SLCO3A1: variants seen among roughly 807,000 people sequenced by gnomAD.
SLCO3A1 encodes PGE1 transporter.
SLCO3A1 carries 27 observed loss-of-function variants against 63.1 expected under a neutral mutation model. The observed-to-expected ratio is 0.43, with a 90% CI of 0.32 to 0.59. The LOEUF (loss-of-function observed/expected upper bound fraction) is 0.59, where lower values mean the gene tolerates loss of function less well. Among genes scored for constraint, SLCO3A1 ranks in the 20% least tolerant of loss-of-function variants. The probability of loss-of-function intolerance (pLI) is 0.09; values close to 1 mark genes in which losing one functional copy is unlikely to be tolerated. For synonymous variants in SLCO3A1, 473 were observed against 409.9 expected (o/e 1.15, Z -1.86); for missense variants, 773 against 945.8 (o/e 0.82, Z 2.40).
intron 2 of SLCO3A1, among the ~76,000 whole-genome samples, chr15:91,937,312 G>A (rs1899448522): frequency 6.6e-6 from 1 of 152,194 alleles, no homozygotes; most frequent in African/African-American, 2.4e-5. Flanking sequence ...CTAGGTGCCA[G>A]GCCCCATGGG....
At chr15:92,063,851 A>G (rs532836224) in intron 2 of SLCO3A1, among the ~76,000 whole-genome samples, 40 of 149,900 alleles carry the variant, frequency 2.7e-4, no homozygotes, top group African/African-American at 8.6e-4. Context: ...TTCCATCTCA[A>G]AAAGCAAACA....
chr15:92,165,895 G>C lies in SLCO3A1; in HGVS notation c.*2760G>C. On this transcript the variant is annotated 3_prime_UTR_variant, in exon 10 of 10. Coordinates refer to ENST00000318445, the MANE Select transcript of SLCO3A1 (RefSeq NM_013272.4). The stretch of plus-strand genomic sequence containing the variant: ...AAATGTACGGGATGGAATAAACCTA[G>C]AAAGTGAATGCTAGAGTTCTCTCTC... 1 of 985,278 alleles carries C rather than the reference G, an allele frequency of 1.0e-6. No homozygotes were observed. Among genetic ancestry groups the C allele is most frequent in the African/African-American group, 1.7e-5 (1 of 57,330 alleles). 61.0% of individuals were successfully genotyped at this position (985,278 alleles called of 1,614,324 possible). A position where few individuals can be genotyped will look rare whatever the true frequency, so the allele number is the denominator to read the frequency against.
intron 2 of SLCO3A1, among the ~76,000 whole-genome samples, chr15:92,064,134 G>T (rs77519462): frequency 0.05 from 7,687 of 152,270 alleles, 285 homozygotes; most frequent in Admixed American, 0.088. Flanking sequence ...CCCTGCTGAG[G>T]CTTTCATCAG....
chr15:92,124,259 C>T (rs1005468982), intron 5 of SLCO3A1, among the ~76,000 whole-genome samples: 1 of 152,104 alleles, frequency 6.6e-6, no homozygotes. Flanking sequence ...CATAGGTTAA[C>T]GTAATGAGAA....
At chr15:91,902,402 T>G (rs1383368645) in intron 1 of SLCO3A1, among the ~76,000 whole-genome samples, 1 of 152,030 alleles carries the variant, frequency 6.6e-6, no homozygotes, top group Non-Finnish European at 1.5e-5. Flanking sequence ...AGGATCCCTA[T>G]GGCTGATCCC....
Position 92,016,204 on chromosome 15 carries a change from TATAGATAGATAG to T in SLCO3A1, c.647-78638_647-78627del, listed in dbSNP as rs1039964856. Among the ~76,000 whole-genome samples the T allele has an allele frequency of 5.2e-3, 629 of 120,204 alleles. 5 individuals are homozygous for T. Among genetic ancestry groups the T allele is most frequent in the Non-Finnish European group, 8.3e-3 (485 of 58,624 alleles). The allele number at this position is 120,204 out of a possible 152,430, so 78.9% of individuals were successfully genotyped here. ...TGCAGATTTGTTGTATATATATTTA[TATAGATAGATAG>T]ATAGATAGATAGATAGATAGATAGA... On this transcript the variant is annotated intron_variant, in intron 2 of 9. Transcript: ENST00000318445.
Position 92,120,483 on chromosome 15 carries a change from A to C in SLCO3A1, c.1028A>C (p.Lys343Thr). The C allele has an allele frequency of 6.2e-7, 1 of 1,614,132 alleles. No individual in the cohort carries two copies. Among genetic ancestry groups the C allele is most frequent in the Non-Finnish European group, 8.5e-7 (1 of 1,179,984 alleles). The change falls in exon 5 of 10, where the codon AAG (lysine) becomes ACG (threonine). Residue 343 changes from lysine to threonine, a missense_variant. Transcript: ENST00000318445. ...QQLRVIPKVT[K>T]HLLSNPVFTC... The stretch of plus-strand genomic sequence containing the variant: ...CCTGCAGTGATCCCGAAGGTCACCA[A>C]GCACCTGCTCTCAAACCCTGTGTTC...
At chr15:91,880,371 G>A (rs1216814313) in intron 1 of SLCO3A1, among the ~76,000 whole-genome samples, 5 of 109,048 alleles carry the variant, frequency 4.6e-5, no homozygotes, top group South Asian at 3.2e-4. Context: ...AGTTTTACCG[G>A]CACTCGTGCT....
At chr15:92,077,916 C>A (rs947917381) in intron 2 of SLCO3A1, among the ~76,000 whole-genome samples, 2 of 152,198 alleles carry the variant, frequency 1.3e-5, no homozygotes, top group Non-Finnish European at 2.9e-5. Flanking sequence ...TGGGCTCCTA[C>A]GCAGTTGTGT....
intron 1 of SLCO3A1, among the ~76,000 whole-genome samples, chr15:91,891,062 C>A (rs2151357002): frequency 6.6e-6 from 1 of 150,634 alleles, no homozygotes; most frequent in East Asian, 2.0e-4. Flanking sequence ...TTATTTAACT[C>A]ATTAATGAGG....
chr15:92,077,302 G>T (rs74030468), intron 2 of SLCO3A1, among the ~76,000 whole-genome samples: 1,876 of 152,228 alleles, frequency 0.012, 43 homozygotes, highest in African/African-American at 0.042. Flanking sequence ...TGTGGTTGGG[G>T]TAATAGCAGG....
rs1898115312 is a variant in SLCO3A1 at position 91,900,169 on chromosome 15, T to C, written c.181-15824T>C. ...CTTAGGTAGATACCTGGGAGTAGAA[T>C]TACTGGGTCATGTGGTAAATTTATG... On this transcript the variant is annotated intron_variant, in intron 1 of 9. Coordinates refer to ENST00000318445, the MANE Select transcript of SLCO3A1 (RefSeq NM_013272.4). This position sits in a 1 kb window ranked among gnomAD's most constrained non-coding sequence, Gnocchi z 4.3. Among the ~76,000 whole-genome samples the C allele has an allele frequency of 6.6e-6, 1 of 152,256 alleles. No homozygotes were observed. Among genetic ancestry groups the C allele is most frequent in the African/African-American group, 2.4e-5 (1 of 41,476 alleles).
chr15:92,045,107 C>T (rs1038790393), intron 2 of SLCO3A1, among the ~76,000 whole-genome samples: 1 of 151,882 alleles, frequency 6.6e-6, no homozygotes, highest in Non-Finnish European at 1.5e-5. Flanking sequence ...GGTGAAACAC[C>T]GTCTCTACTA....
chr15:91,941,359 C>T lies in SLCO3A1; in HGVS notation c.646+24901C>T. On this transcript the variant is annotated intron_variant, in intron 2 of 9. Transcript: ENST00000318445. The surrounding 1 kb of genome is among the most constrained non-coding windows in gnomAD (Gnocchi z 4.4). ...GACCAGCTAGGACTGAGCCCAAAGACCTGAGATTCCCTGGGAGGCTGTGGG... is the reference window on the plus strand; with the variant it reads ...GACCAGCTAGGACTGAGCCCAAAGATCTGAGATTCCCTGGGAGGCTGTGGG... 1 of 365,482 alleles carries T rather than the reference C, an allele frequency of 2.7e-6. No homozygotes were observed. Among genetic ancestry groups the T allele is most frequent in the South Asian group, 2.1e-5 (1 of 48,304 alleles). The allele number at this position is 365,482 out of a possible 1,614,324, so 22.6% of individuals were successfully genotyped here. A position where few individuals can be genotyped will look rare whatever the true frequency, so the allele number is the denominator to read the frequency against.
chr15:92,054,343 A>G (rs1388574800), intron 2 of SLCO3A1, among the ~76,000 whole-genome samples: 3 of 152,152 alleles, frequency 2.0e-5, no homozygotes, highest in East Asian at 3.8e-4. Context: ...GCACACTTCT[A>G]TGTTTGTTTG....
At chr15:92,061,847 A>G (rs12915368) in intron 2 of SLCO3A1, among the ~76,000 whole-genome samples, 18,542 of 152,266 alleles carry the variant, frequency 0.12, 1,285 homozygotes, top group East Asian at 0.26. Context: ...ATCCTTACAC[A>G]AGGGCCTCCC....
chr15:91,981,182 G>C (rs562714675), intron 2 of SLCO3A1, among the ~76,000 whole-genome samples: 30 of 152,186 alleles, frequency 2.0e-4, no homozygotes, highest in African/African-American at 6.5e-4. Context: ...CGGATGCCTG[G>C]CCTTCCGGCT....
At chr15:92,141,462 T>C (rs187771166) in intron 7 of SLCO3A1, among the ~76,000 whole-genome samples, 1 of 152,202 alleles carries the variant, frequency 6.6e-6, no homozygotes, top group Non-Finnish European at 1.5e-5. Flanking sequence ...ACTATGCTAT[T>C]GGGGTTTGGG....
intron 2 of SLCO3A1, among the ~76,000 whole-genome samples, chr15:91,926,850 G>A (rs1052321935): frequency 6.6e-6 from 1 of 152,054 alleles, no homozygotes; most frequent in African/African-American, 2.4e-5. Flanking sequence ...ATGTACCCTG[G>A]GAGGAAAGCT....
Sources: allele counts gnomAD v4.1 joint callset (sites outside exome capture counted in the v4.1 genomes callset), GRCh38; gene constraint gnomAD v4.1.1; non-coding constraint Gnocchi (gnomAD v3.1); transcripts MANE v1.5; gene names NCBI Gene and HGNC (gene_info 2026-07-23, HGNC 2026-07-21).